The following PCLO variants were observed in gnomAD, a reference collection of about 807,000 sequenced individuals.
The protein encoded by PCLO is piccolo presynaptic cytomatrix protein.
A neutral mutation model predicts 427.5 loss-of-function variants in PCLO; 82 were observed. The ratio of observed to expected loss-of-function variants is 0.19; its 90% CI spans 0.16 to 0.23. The LOEUF is 0.23. Ranked by LOEUF, PCLO falls within the 10% of genes least tolerant of loss-of-function variation. The pLI is 1.00. For synonymous variants in PCLO, 2,357 were observed against 2,155.4 expected (o/e 1.09, Z -2.59); for missense variants, 6,239 against 6,115.9 (o/e 1.02, Z -0.67).
intron 22 of PCLO, among the ~76,000 whole-genome samples, chr7:82,768,422 C>CAA (rs528186012): frequency 0.037 from 3,394 of 91,052 alleles, 52 homozygotes; most frequent in Middle Eastern, 0.091. Flanking sequence ...GACTCTGTCT[C>CAA]AAAAAAAAAA....
intron 4 of PCLO, among the ~76,000 whole-genome samples, chr7:82,958,316 A>C (rs73385990): frequency 0.053 from 7,713 of 145,618 alleles, 658 homozygotes; most frequent in African/African-American, 0.18. Flanking sequence ...TCCTTCCTTC[A>C]TCCTTCCTTC....
chr7:83,098,032 T>C (rs1790639389), intron 3 of PCLO, among the ~76,000 whole-genome samples: 1 of 152,166 alleles, frequency 6.6e-6, no homozygotes, highest in Non-Finnish European at 1.5e-5. Context: ...CTCATATTTC[T>C]ACATTGTTAT....
chr7:82,827,690 T>G (rs2115685202), intron 17 of PCLO, among the ~76,000 whole-genome samples, 183 bp downstream of exon 17: 1 of 152,224 alleles, frequency 6.6e-6, no homozygotes, highest in East Asian at 1.9e-4. Context: ...TGTGCACATT[T>G]ACTTTCACCC....
intron 3 of PCLO, among the ~76,000 whole-genome samples, chr7:83,057,189 T>A (rs931549158): frequency 8.1e-5 from 12 of 147,608 alleles, no homozygotes; most frequent in Non-Finnish European, 1.6e-4. Context: ...GTTCAAGAGA[T>A]TCTTGTGCCT....
intron 3 of PCLO, among the ~76,000 whole-genome samples, chr7:82,976,074 T>C (rs1434102492): frequency 2.0e-5 from 3 of 152,150 alleles, no homozygotes; most frequent in Non-Finnish European, 4.4e-5. Flanking sequence ...ATTTGGCAGG[T>C]AGTAGAAGCA....
intron 3 of PCLO, among the ~76,000 whole-genome samples, chr7:83,100,641 G>A (rs984661584): frequency 6.6e-6 from 1 of 152,040 alleles, no homozygotes; most frequent in South Asian, 2.1e-4. Context: ...ACAACACACA[G>A]GGGACCTTTT....
At chr7:83,059,208 T>C (rs1789476508) in intron 3 of PCLO, among the ~76,000 whole-genome samples, 1 of 149,676 alleles carries the variant, frequency 6.7e-6, no homozygotes, top group African/African-American at 2.4e-5. Flanking sequence ...TTAAATTTTC[T>C]TAGCACTTGT....
rs2129467362 is a variant in PCLO, at chr7:82,755,100, T to C, written c.*3475A>G. ...CTTCACATCACCACCACCGCTAATA[T>C]CACTACTGCTACCACCACTATCATT... On this transcript the variant is annotated 3_prime_UTR_variant, in exon 25 of 25. Transcript: ENST00000333891. 6.6e-6 allele frequency: 1 copy of C among 152,186 alleles called. No homozygotes were observed. Among genetic ancestry groups the C allele is most frequent in the African/African-American group, 2.4e-5 (1 of 41,550 alleles). The allele number at this position is 152,186 out of a possible 1,614,324, so 9.4% of individuals were successfully genotyped here.
At chr7:83,130,838 G>C (rs1050649873) in intron 3 of PCLO, among the ~76,000 whole-genome samples, 6 of 152,130 alleles carry the variant, frequency 3.9e-5, no homozygotes, top group African/African-American at 1.4e-4. Context: ...ATATCTCCTA[G>C]CAATTCCTAC....
intron 19 of PCLO, among the ~76,000 whole-genome samples, chr7:82,823,109 T>C (rs1791837407): frequency 6.6e-6 from 1 of 151,968 alleles, no homozygotes; most frequent in Admixed American, 6.6e-5. Flanking sequence ...CTCAAACCAT[T>C]GTAGAGAATG....
At chr7:83,116,550 G>A (rs140375951) in intron 3 of PCLO, among the ~76,000 whole-genome samples, 87 of 152,234 alleles carry the variant, frequency 5.7e-4, no homozygotes, top group African/African-American at 2.0e-3. Flanking sequence ...TGCACAACAT[G>A]ATGTTTTGAA....
chr7:82,979,351 C>A (rs542263891), intron 3 of PCLO, among the ~76,000 whole-genome samples: 1 of 152,156 alleles, frequency 6.6e-6, no homozygotes, highest in Non-Finnish European at 1.5e-5. Flanking sequence ...TTATTGATGA[C>A]ATAATAACCA....
rs1262229032 is a variant in PCLO at position 83,162,872 on chromosome 7, GA to G, written c.-281del. On this transcript the variant is annotated 5_prime_UTR_variant, in exon 1 of 25. Transcript: ENST00000333891. ...CGCCGCCTCGGCGCCCCGAGCCGGGGAGAAGCAGATCTGAGCGGTGCCAGCC... is the reference window on the plus strand; with the variant it reads ...CGCCGCCTCGGCGCCCCGAGCCGGGGGAAGCAGATCTGAGCGGTGCCAGCC... 3.1e-5 allele frequency: 15 copies of G among 489,602 alleles called. No individual in the cohort carries two copies. Among genetic ancestry groups the G allele is most frequent in the Non-Finnish European group, 5.0e-5 (14 of 278,594 alleles). 30.3% of individuals were successfully genotyped at this position (489,602 alleles called of 1,614,324 possible).
intron 16 of PCLO, among the ~76,000 whole-genome samples, chr7:82,832,415 C>T (rs1199159528): frequency 6.6e-6 from 1 of 150,916 alleles, no homozygotes; most frequent in Non-Finnish European, 1.5e-5. Context: ...CCATGCCCGG[C>T]TAATTTTTTT....
chr7:83,077,130 A>G (rs115425097), intron 3 of PCLO, among the ~76,000 whole-genome samples: 1,601 of 152,272 alleles, frequency 0.011, 24 homozygotes, highest in African/African-American at 0.036. Flanking sequence ...GTCTACATAT[A>G]GGAAGCCCTT....
chr7:82,784,450 T>A (rs1790940758), intron 22 of PCLO, among the ~76,000 whole-genome samples: 1 of 152,184 alleles, frequency 6.6e-6, no homozygotes, highest in African/African-American at 2.4e-5. Flanking sequence ...TTTCCAAGAT[T>A]TTTTTTCTTT....
intron 3 of PCLO, among the ~76,000 whole-genome samples, chr7:83,093,842 TTTG>T (rs1290637397): frequency 1.7e-5 from 2 of 114,530 alleles, no homozygotes; most frequent in African/African-American, 3.3e-5. Flanking sequence ...TGTTTACTGA[TTTG>T]TTTTTTTTTT....
rs757132995 is a variant in PCLO at position 82,915,602 on chromosome 7, A to G, written c.12384T>C (p.Ile4128=). The change falls in exon 7 of 25, where the codon ATT becomes ATC. Residue 4128 remains isoleucine, a synonymous_variant. Coordinates refer to ENST00000333891, the MANE Select transcript of PCLO (RefSeq NM_033026.6). Reference sequence around the variant, plus strand: ...CTGTCCCTCTACGAAATTCCTGTTTAATCTGATGTTTCAGAAGCTTTAACT... The same window carrying G: ...CTGTCCCTCTACGAAATTCCTGTTTGATCTGATGTTTCAGAAGCTTTAACT... ...PYELKLLKHQ[I]KQEFRRGTES... The G allele has an allele frequency of 6.2e-7, 1 of 1,613,474 alleles. No homozygotes were observed. Among genetic ancestry groups the G allele is most frequent in the Non-Finnish European group, 8.5e-7 (1 of 1,179,644 alleles).
At chr7:82,974,419 C>T (rs1461749292) in intron 3 of PCLO, among the ~76,000 whole-genome samples, 1 of 152,114 alleles carries the variant, frequency 6.6e-6, no homozygotes, top group Non-Finnish European at 1.5e-5. Flanking sequence ...TGATCATCTA[C>T]CAGTGTGTGT....
Sources: allele counts gnomAD v4.1 joint callset (sites outside exome capture counted in the v4.1 genomes callset), GRCh38; gene constraint gnomAD v4.1.1; transcripts MANE v1.5; gene names NCBI Gene and HGNC (gene_info 2026-07-23, HGNC 2026-07-21).